The following NARS2 variants were observed in gnomAD, a reference collection of about 807,000 sequenced individuals.
NARS2 encodes asparaginyl-tRNA synthetase 2, mitochondrial, also known as asparaginyl-tRNA synthetase.
Under a neutral mutation model 62.9 loss-of-function variants are expected in NARS2, and 60 were observed. That is an observed-to-expected ratio of 0.95 (90% CI 0.77 to 1.18). The LOEUF is 1.18. Among genes scored for constraint, NARS2 ranks in the 50% most tolerant of loss-of-function variants. NARS2 has a pLI of 0.00. For synonymous variants in NARS2, 196 were observed against 200.0 expected, an observed-to-expected ratio of 0.98 and a Z score of 0.17; for missense variants, 619 against 576.4, an observed-to-expected ratio of 1.07 and a Z score of -0.76.
Position 78,440,925 on chromosome 11 carries a change from A to G in NARS2, c.1289+166T>C, listed in dbSNP as rs541868115. Among the ~76,000 whole-genome samples, 267 of 152,300 alleles carry G rather than the reference A, an allele frequency of 1.8e-3. 3 individuals carry two copies. Among genetic ancestry groups the G allele is most frequent in the Middle Eastern group, 6.8e-3 (2 of 294 alleles). On this transcript the variant is annotated intron_variant, in intron 13 of 13. Coordinates refer to ENST00000281038, the MANE Select transcript of NARS2 (RefSeq NM_024678.6). Reference sequence around the variant, plus strand: ...TTACTATTTTTCAAGAACCCAAAGGAAGTAAGTAATCTTCTGAGCCCCCAA... The same window carrying G: ...TTACTATTTTTCAAGAACCCAAAGGGAGTAAGTAATCTTCTGAGCCCCCAA...
intron 7 of NARS2, among the ~76,000 whole-genome samples, chr11:78,488,252 A>AC (rs936092389): frequency 1.4e-5 from 2 of 145,626 alleles, no homozygotes; most frequent in African/African-American, 5.2e-5. Flanking sequence ...AAAAAAAAAA[A>AC]ACTGTGTATG....
chr11:78,568,837 ATACT>A (rs1447791800), intron 2 of NARS2, 85 bp from the exon 3 acceptor site: 8 of 1,110,298 alleles, frequency 7.2e-6, no homozygotes, highest in Non-Finnish European at 9.0e-6. Context: ...GAATATTAAA[ATACT>A]TAATGACAAA....
intron 6 of NARS2, among the ~76,000 whole-genome samples, chr11:78,504,114 A>C (rs1181346311): frequency 1.3e-5 from 2 of 152,252 alleles, no homozygotes; most frequent in Non-Finnish European, 2.9e-5. Flanking sequence ...CTCTTTCTAC[A>C]GTAGTCCCTA....
In NARS2 at chr11:78,505,557, G is replaced by A. The variant is rs1293178402; in HGVS notation, c.690-12362C>T. Among the ~76,000 whole-genome samples, 4 of 151,914 alleles carry A rather than the reference G, an allele frequency of 2.6e-5. No individual in the cohort carries two copies. In the East Asian group the frequency reaches 7.7e-4, roughly 29 times the overall value. ...GCTCACAGGTTATAGCAGCAAAGAA[G>A]GAATGGATACAGAAGCTTAGGGCCT... is the stretch of plus-strand genomic sequence containing the variant. On this transcript the variant is annotated intron_variant, in intron 6 of 13. Transcript: ENST00000281038.
At chr11:78,496,494 T>C (rs1860063389) in intron 6 of NARS2, among the ~76,000 whole-genome samples, 1 of 152,144 alleles carries the variant, frequency 6.6e-6, no homozygotes, top group African/African-American at 2.4e-5. Flanking sequence ...GCTTAGTAAA[T>C]GGTGGAAGCC....
chr11:78,513,492 C>T (rs1344773970), intron 6 of NARS2, among the ~76,000 whole-genome samples: 2 of 151,796 alleles, frequency 1.3e-5, no homozygotes, highest in South Asian at 2.1e-4. Context: ...AGTAAGAACA[C>T]GTGGGCCGGG....
intron 11 of NARS2, among the ~76,000 whole-genome samples, chr11:78,452,752 C>T (rs558705083): frequency 6.6e-6 from 1 of 152,232 alleles, no homozygotes; most frequent in East Asian, 1.9e-4. Context: ...TAGGAACCCT[C>T]CAAATAATTC....
chr11:78,499,485 G>A lies in NARS2; in HGVS notation c.690-6290C>T, dbSNP rs544383693. ...GATGGGATTAAGGGTAGAAAAGGAA[G>A]GTAAATAGAATATCAATTACTAAAC... On this transcript the variant is annotated intron_variant, in intron 6 of 13. Coordinates refer to ENST00000281038, the MANE Select transcript of NARS2 (RefSeq NM_024678.6). 2.9e-4 allele frequency among the ~76,000 whole-genome samples: 44 copies of A among 152,134 alleles called. No individual in the cohort carries two copies. In the Middle Eastern group the frequency reaches 0.01, roughly 35 times the overall value.
intron 5 of NARS2, among the ~76,000 whole-genome samples, chr11:78,544,027 A>AAAAAC (rs1855743901): frequency 6.6e-6 from 1 of 150,884 alleles, no homozygotes; most frequent in African/African-American, 2.4e-5. Context: ...TCAAAAAAAA[A>AAAAAC]AAAAAAAAAA....
chr11:78,485,723 C>A (rs1480444767), intron 7 of NARS2, among the ~76,000 whole-genome samples: 1 of 152,102 alleles, frequency 6.6e-6, no homozygotes, highest in Non-Finnish European at 1.5e-5. Flanking sequence ...CTGTTCCTAG[C>A]CAAAATGTAG....
chr11:78,539,181 C>T (rs149097630), intron 5 of NARS2, among the ~76,000 whole-genome samples: 57 of 151,368 alleles, frequency 3.8e-4, no homozygotes, highest in Non-Finnish European at 6.2e-4. Flanking sequence ...AGTGTCTTAG[C>T]GGAGAACAGA....
At chr11:78,567,237 C>T (rs1283347386) in intron 3 of NARS2, among the ~76,000 whole-genome samples, 1 of 152,158 alleles carries the variant, frequency 6.6e-6, no homozygotes, top group African/African-American at 2.4e-5. Context: ...CCTAAAACCA[C>T]GGACAGTATC....
At chr11:78,533,881 C>T (rs1861570830) in intron 5 of NARS2, among the ~76,000 whole-genome samples, 2 of 152,180 alleles carry the variant, frequency 1.3e-5, no homozygotes. Context: ...CAGAATGTCA[C>T]ACAGTTTAAA....
At chr11:78,489,338 T>G (rs1205706408) in intron 7 of NARS2, among the ~76,000 whole-genome samples, 1 of 152,064 alleles carries the variant, frequency 6.6e-6, no homozygotes, top group African/African-American at 2.4e-5. Context: ...GAAAAGATGC[T>G]CAACATCAAT....
intron 12 of NARS2, among the ~76,000 whole-genome samples, chr11:78,443,428 G>A (rs191482890): frequency 1.3e-5 from 2 of 152,112 alleles, no homozygotes; most frequent in African/African-American, 2.4e-5. Flanking sequence ...CATAGGGAAA[G>A]GTTTGTAAAA....
chr11:78,505,264 C>G (rs1303023135), intron 6 of NARS2, among the ~76,000 whole-genome samples: 2 of 105,054 alleles, frequency 1.9e-5, no homozygotes, highest in African/African-American at 3.9e-5. Context: ...TTAAAGAAAA[C>G]AAAATACACA....
intron 11 of NARS2, among the ~76,000 whole-genome samples, chr11:78,462,485 G>T (rs760433461): frequency 6.6e-6 from 1 of 152,188 alleles, no homozygotes; most frequent in African/African-American, 2.4e-5. Flanking sequence ...TATATTATTT[G>T]TGATTTTTAG....
At chr11:78,493,335 A>C (rs138650223) in intron 6 of NARS2, 140 bp from the exon 7 acceptor site, 1 of 726,148 alleles carries the variant, frequency 1.4e-6, no homozygotes, top group Middle Eastern at 3.5e-4. Context: ...TTGCTGCTAC[A>C]TATTTCTCTA....
chr11:78,456,681 C>T (rs1858174535), intron 11 of NARS2, among the ~76,000 whole-genome samples: 1 of 152,184 alleles, frequency 6.6e-6, no homozygotes, highest in Non-Finnish European at 1.5e-5. Flanking sequence ...AAAATTAGAA[C>T]ACTACCTGGT....
Sources: gnomAD v4.1 joint callset for allele counts (sites outside exome capture counted in the v4.1 genomes callset) on GRCh38, gnomAD v4.1.1 for gene constraint, MANE v1.5 for transcripts, NCBI Gene and HGNC (gene_info 2026-07-23, HGNC 2026-07-21) for gene names.